Variants in NDST3 observed in about 807,000 individuals in gnomAD.
NDST3 encodes the protein bifunctional heparan sulfate N-deacetylase/N-sulfotransferase 3.
In NDST3, 58 loss-of-function variants were observed where a neutral mutation model predicts 96.1. The observed-to-expected ratio is 0.60, with a 90% confidence interval of 0.49 to 0.75. The LOEUF is 0.75. Among genes scored for constraint, NDST3 ranks in the 30% least tolerant of loss-of-function variants. NDST3 has a pLI of 0.00. For synonymous variants in NDST3, 333 were observed against 359.7 expected (o/e 0.93, Z 0.84); for missense variants, 788 against 1,034.2 (o/e 0.76, Z 3.27).
chr4:118,141,608 C>T (rs1051420056), intron 5 of NDST3, among the ~76,000 whole-genome samples: 2 of 152,176 alleles, frequency 1.3e-5, no homozygotes, highest in Non-Finnish European at 2.9e-5. Flanking sequence ...GCTAGGCAAT[C>T]AAGTCCCAAA....
chr4:118,072,174 C>T (rs1351719784), intron 2 of NDST3, among the ~76,000 whole-genome samples: 1 of 151,958 alleles, frequency 6.6e-6, no homozygotes, highest in Non-Finnish European at 1.5e-5. Context: ...ATACCTCCAG[C>T]TTTGTTCTTT....
intron 3 of NDST3, among the ~76,000 whole-genome samples, chr4:118,107,983 G>A (rs1261439143): frequency 6.6e-6 from 1 of 152,184 alleles, no homozygotes; most frequent in Non-Finnish European, 1.5e-5. Context: ...TGGCTGGGGA[G>A]GCCTCACAAT....
chr4:118,179,742 A>C (rs1028480273), intron 6 of NDST3, among the ~76,000 whole-genome samples: 3 of 151,998 alleles, frequency 2.0e-5, no homozygotes, highest in Non-Finnish European at 4.4e-5. Flanking sequence ...ATCTCCCCAG[A>C]AAAAAAACTC....
At chr4:118,136,507 G>C (rs1382918974) in intron 4 of NDST3, among the ~76,000 whole-genome samples, 1 of 152,110 alleles carries the variant, frequency 6.6e-6, no homozygotes, top group Non-Finnish European at 1.5e-5. Context: ...TACGAAAAAA[G>C]CAATGAGATA....
intron 12 of NDST3, among the ~76,000 whole-genome samples, chr4:118,250,572 C>T (rs1014289630): frequency 1.3e-5 from 2 of 151,830 alleles, no homozygotes; most frequent in Non-Finnish European, 2.9e-5. Flanking sequence ...GCAACCTCTG[C>T]CCCCCAGGTT....
At chr4:118,106,270 T>C (rs923413027) in intron 3 of NDST3, among the ~76,000 whole-genome samples, 17 of 152,176 alleles carry the variant, frequency 1.1e-4, no homozygotes, top group African/African-American at 4.1e-4. Flanking sequence ...TTTTAGGCCG[T>C]TCAATTTATC....
chr4:118,070,636 C>A (rs1726978063), intron 2 of NDST3, among the ~76,000 whole-genome samples: 1 of 150,410 alleles, frequency 6.6e-6, no homozygotes, highest in Non-Finnish European at 1.5e-5. Flanking sequence ...ATTCTGTAGA[C>A]CTCAACCATT....
intron 2 of NDST3, among the ~76,000 whole-genome samples, chr4:118,098,007 T>G (rs1253669721): frequency 6.6e-6 from 1 of 150,928 alleles, no homozygotes; most frequent in African/African-American, 2.4e-5. Context: ...CACAAACCTT[T>G]TTTTGGAAGG....
chr4:118,146,546 G>T (rs1733960874), intron 6 of NDST3, among the ~76,000 whole-genome samples: 1 of 151,696 alleles, frequency 6.6e-6, no homozygotes, highest in South Asian at 2.1e-4. Context: ...AAAGATCACA[G>T]CAAAGGTAAA....
intron 5 of NDST3, among the ~76,000 whole-genome samples, chr4:118,139,241 AAGCTGCC>A (rs1258176176): frequency 6.6e-6 from 1 of 152,204 alleles, no homozygotes; most frequent in Non-Finnish European, 1.5e-5. Flanking sequence ...ACTGTGGCTC[AAGCTGCC>A]AGAATTCTGA....
chr4:118,147,908 T>C (rs1448225689), intron 6 of NDST3, among the ~76,000 whole-genome samples: 1 of 152,216 alleles, frequency 6.6e-6, no homozygotes, highest in Non-Finnish European at 1.5e-5. Flanking sequence ...CATTAACAAC[T>C]ATAGATATAG....
intron 6 of NDST3, among the ~76,000 whole-genome samples, chr4:118,203,002 G>A (rs1351130445): frequency 6.6e-6 from 1 of 152,122 alleles, no homozygotes. Context: ...TGCCTAGTCT[G>A]TTGAGGGTTT....
chr4:118,174,001 C>A (rs1736120263), intron 6 of NDST3, among the ~76,000 whole-genome samples: 1 of 152,174 alleles, frequency 6.6e-6, no homozygotes, highest in Non-Finnish European at 1.5e-5. Flanking sequence ...ATACACTTTG[C>A]AACATTTCAC....
intron 2 of NDST3, among the ~76,000 whole-genome samples, chr4:118,101,344 C>T (rs1441783641): frequency 7.1e-6 from 1 of 140,870 alleles, no homozygotes; most frequent in African/African-American, 2.6e-5. Context: ...TGCAAACTTT[C>T]TTAGCTTTAC....
intron 9 of NDST3, among the ~76,000 whole-genome samples, chr4:118,234,913 C>G (rs1441929654): frequency 6.6e-6 from 1 of 151,762 alleles, no homozygotes; most frequent in African/African-American, 2.4e-5. Context: ...GCCTGTAATT[C>G]GAGCTACTCA....
chr4:118,086,859 T>G (rs570044413), intron 2 of NDST3, among the ~76,000 whole-genome samples: 62 of 152,148 alleles, frequency 4.1e-4, no homozygotes, highest in Non-Finnish European at 8.4e-4. Flanking sequence ...GAATGTGGAC[T>G]AAGAAATAAA....
chr4:118,198,844 A>T (rs551971285), intron 6 of NDST3, among the ~76,000 whole-genome samples: 12 of 152,206 alleles, frequency 7.9e-5, no homozygotes, highest in African/African-American at 2.6e-4. Flanking sequence ...CTAGCATAAA[A>T]GTTCTCTTCC....
chr4:118,175,957 T>C (rs1201566149), intron 6 of NDST3, among the ~76,000 whole-genome samples: 1 of 152,148 alleles, frequency 6.6e-6, no homozygotes, highest in Non-Finnish European at 1.5e-5. Context: ...TTAGCTGGTC[T>C]GTGCTATCCT....
At chr4:118,062,600 T>C (rs2110469983) in intron 2 of NDST3, among the ~76,000 whole-genome samples, 1 of 152,300 alleles carries the variant, frequency 6.6e-6, no homozygotes, top group Non-Finnish European at 1.5e-5. Context: ...TGCTAGCAAC[T>C]ATACAACTGT....
Sources: gnomAD v4.1 joint callset for allele counts (sites outside exome capture counted in the v4.1 genomes callset) on GRCh38, gnomAD v4.1.1 for gene constraint, MANE v1.5 for transcripts, NCBI Gene and HGNC (gene_info 2026-07-23, HGNC 2026-07-21) for gene names.